STK33: variants seen among roughly 807,000 people sequenced by gnomAD.
STK33 encodes serine/threonine-protein kinase 33.
In STK33, 52 loss-of-function variants were observed where a neutral mutation model predicts 58.0. That is an observed-to-expected ratio of 0.90 (90% confidence interval 0.72 to 1.13). The LOEUF is 1.13. STK33 is among the 50% of genes most tolerant of loss of function. STK33 has a pLI of 0.00. For synonymous variants in STK33, 215 were observed against 200.1 expected, an observed-to-expected ratio of 1.07 and a Z score of -0.63; for missense variants, 630 against 604.2, an observed-to-expected ratio of 1.04 and a Z score of -0.45.
At chr11:8,389,237 G>A (rs550573784), downstream of STK33, among the ~76,000 whole-genome samples, 4 of 152,366 alleles carry the variant, frequency 2.6e-5, no homozygotes, top group East Asian at 5.8e-4. Flanking sequence ...TGCCTGGCAG[G>A]AGCCACGCCC....
chr11:8,443,282 T>C (rs1363281732), intron 11 of STK33, among the ~76,000 whole-genome samples: 1 of 152,190 alleles, frequency 6.6e-6, no homozygotes, highest in Non-Finnish European at 1.5e-5. Flanking sequence ...GAAATTTTTA[T>C]GCTCAACAAA....
chr11:8,492,755 T>C (rs1427838893), intron 1 of STK33, among the ~76,000 whole-genome samples: 2 of 152,188 alleles, frequency 1.3e-5, no homozygotes, highest in African/African-American at 2.4e-5. Flanking sequence ...GTCTCTCATA[T>C]GACAGTGCAA....
Position 8,392,350 on chromosome 11 carries a change from A to C in STK33, c.*160T>G. 1.2e-6 allele frequency: 1 copy of C among 826,796 alleles called. No homozygotes were observed. The highest frequency in any genetic ancestry group is 1.9e-6 in the Non-Finnish European group (1 of 514,646). The allele number at this position is 826,796 out of a possible 1,614,324, so 51.2% of individuals were successfully genotyped here. A position where few individuals can be genotyped will look rare whatever the true frequency, so the allele number is the denominator to read the frequency against. On this transcript the variant is annotated 3_prime_UTR_variant, in exon 16 of 16. Coordinates refer to ENST00000687296, the MANE Select transcript of STK33 (RefSeq NM_001352389.2). ...TGCAGCTTATGCTGCTTTGGAGATAAGCAGCTTCAATTTTAAGCTGGTGCA... is the reference window on the plus strand; with the variant it reads ...TGCAGCTTATGCTGCTTTGGAGATACGCAGCTTCAATTTTAAGCTGGTGCA...
intron 1 of STK33, among the ~76,000 whole-genome samples, chr11:8,496,736 G>A (rs531780902): frequency 8.6e-5 from 13 of 151,844 alleles, no homozygotes; most frequent in South Asian, 2.1e-4. Context: ...CACCACGCCC[G>A]GCTAATTTTT....
the STK33 span, among the ~76,000 whole-genome samples, chr11:8,376,033 T>C: frequency 9.9e-5 from 15 of 152,274 alleles, 1 homozygote; most frequent in South Asian, 3.1e-3. Flanking sequence ...TTTCCAGACA[T>C]ACAACAGGGC....
chr11:8,357,542 G>C, the STK33 span, among the ~76,000 whole-genome samples: 5 of 152,218 alleles, frequency 3.3e-5, no homozygotes, highest in Non-Finnish European at 7.3e-5. Flanking sequence ...GGCATAATTG[G>C]GCTCCTAATT....
intron 1 of STK33, among the ~76,000 whole-genome samples, chr11:8,506,789 G>C (rs7122365): frequency 0.012 from 1,839 of 152,058 alleles, 38 homozygotes; most frequent in African/African-American, 0.042. Context: ...TCTTATATTT[G>C]TCAACATCAT....
chr11:8,393,329 T>C (rs1279406949), intron 15 of STK33, among the ~76,000 whole-genome samples: 2 of 152,220 alleles, frequency 1.3e-5, no homozygotes, highest in Non-Finnish European at 2.9e-5. Context: ...GAAAGTACTA[T>C]GTGAGCTTTA....
At position 8,392,678 on chromosome 11, in the gene STK33, G is replaced by A. The variant is rs777334112; in HGVS notation, c.1377C>T (p.Thr459=). 3.7e-6 allele frequency: 6 copies of A among 1,614,182 alleles called. No homozygotes were observed. The highest frequency in any genetic ancestry group is 5.1e-6 in the Non-Finnish European group (6 of 1,180,036). The change falls in exon 16 of 16, where the codon ACC becomes ACT. Residue 459 remains threonine (T), a synonymous_variant. Coordinates refer to ENST00000687296, the MANE Select transcript of STK33 (RefSeq NM_001352389.2). ...STAYEKQFPA[T]SKDNFDMCSS... ...TGCACATATCAAAGTTGTCCTTACTGGTTGCAGGAAATTGCTTTTCATAAG... is the reference window on the plus strand; with the variant it reads ...TGCACATATCAAAGTTGTCCTTACTAGTTGCAGGAAATTGCTTTTCATAAG...
chr11:8,546,018 A>G (rs1485261395), intron 1 of STK33, among the ~76,000 whole-genome samples: 1 of 152,222 alleles, frequency 6.6e-6, no homozygotes, highest in East Asian at 1.9e-4. Context: ...ACTGTAGGCA[A>G]TTGTAACACG....
intron 1 of STK33, among the ~76,000 whole-genome samples, chr11:8,518,177 G>A (rs1388178136): frequency 1.3e-5 from 2 of 152,204 alleles, no homozygotes; most frequent in East Asian, 1.9e-4. Flanking sequence ...AGAGAGTGGG[G>A]GCAAATATTC....
At position 8,438,299 on chromosome 11, in the gene STK33, A is replaced by T. The variant is rs539579751; in HGVS notation, c.948-2160T>A. Among the ~76,000 whole-genome samples the T allele has an allele frequency of 2.7e-4, 41 of 152,346 alleles. 2 individuals are homozygous for T. In the Middle Eastern group the frequency reaches 0.01, roughly 38 times the overall value. On this transcript the variant is annotated intron_variant, in intron 12 of 15. Coordinates refer to ENST00000687296, the MANE Select transcript of STK33 (RefSeq NM_001352389.2). Reference sequence around the variant, plus strand: ...ATCCAAGACACGAAAAATATCTCTTAAAGTCTTCCTACTATTTTGTTGCAT... The same window carrying T: ...ATCCAAGACACGAAAAATATCTCTTTAAGTCTTCCTACTATTTTGTTGCAT...
intron 1 of STK33, among the ~76,000 whole-genome samples, chr11:8,561,142 C>G (rs1416734895): frequency 6.6e-6 from 1 of 152,168 alleles, no homozygotes; most frequent in African/African-American, 2.4e-5. Flanking sequence ...GCCCTATCAA[C>G]CCCTTCCTAT....
chr11:8,546,587 TC>T (rs146733674), intron 1 of STK33, among the ~76,000 whole-genome samples: 8,474 of 151,038 alleles, frequency 0.056, 399 homozygotes, highest in African/African-American at 0.13. Flanking sequence ...CCTCTCTTCA[TC>T]CCCCCCACCC....
chr11:8,385,030 C>T, the STK33 span, among the ~76,000 whole-genome samples: 18 of 152,184 alleles, frequency 1.2e-4, no homozygotes, highest in Non-Finnish European at 2.2e-4. Context: ...CCCCAGGAAG[C>T]GACACCACCA....
intron 1 of STK33, among the ~76,000 whole-genome samples, chr11:8,569,655 C>T (rs985092032): frequency 6.6e-6 from 1 of 152,024 alleles, no homozygotes; most frequent in East Asian, 1.9e-4. Context: ...CAAAAGACAC[C>T]ATTAAGAAAA....
the STK33 span, among the ~76,000 whole-genome samples, chr11:8,358,065 A>G: frequency 6.6e-6 from 1 of 152,248 alleles, no homozygotes; most frequent in South Asian, 2.1e-4. Context: ...CTTGAGCTCA[A>G]AGCAGCCCTC....
chr11:8,519,707 A>G (rs1953200322), intron 1 of STK33, among the ~76,000 whole-genome samples: 1 of 151,398 alleles, frequency 6.6e-6, no homozygotes. Flanking sequence ...AGAGAATACT[A>G]TAAACACCTC....
At chr11:8,375,470 T>C in the STK33 span, among the ~76,000 whole-genome samples, 2 of 152,238 alleles carry the variant, frequency 1.3e-5, no homozygotes, top group African/African-American at 4.8e-5. Flanking sequence ...TGGCCATATA[T>C]GGTCAAGGTA....
Sources: gnomAD v4.1 joint callset for allele counts (sites outside exome capture counted in the v4.1 genomes callset) on GRCh38, gnomAD v4.1.1 for gene constraint, MANE v1.5 for transcripts, NCBI Gene and HGNC (gene_info 2026-07-23, HGNC 2026-07-21) for gene names.